USP39: variants seen among roughly 807,000 people sequenced by gnomAD.
The protein encoded by USP39 is ubiquitin specific peptidase 39, also known as ubiquitin carboxyl-terminal hydrolase 39.
A neutral mutation model predicts 66.4 loss-of-function variants in USP39; 38 were observed. The observed-to-expected ratio is 0.57, with a 90% CI of 0.44 to 0.75. The LOEUF (loss-of-function observed/expected upper bound fraction) is 0.75. Ranked by LOEUF, USP39 falls within the 30% of genes least tolerant of loss-of-function variation. USP39 has a pLI of 0.00. For synonymous variants in USP39, 303 were observed against 274.6 expected, an observed-to-expected ratio of 1.10 and a Z score of -1.02; for missense variants, 608 against 714.4, an observed-to-expected ratio of 0.85 and a Z score of 1.70.
chr2:85,630,824 G>A lies in USP39; in HGVS notation c.827G>A (p.Arg276His). 1 of 1,614,164 alleles carries A rather than the reference G, an allele frequency of 6.2e-7. No individual in the cohort carries two copies. Among genetic ancestry groups the A allele is most frequent in the Non-Finnish European group, 8.5e-7 (1 of 1,180,046 alleles). The change falls in exon 6 of 13, where the codon CGT becomes CAT. Residue 276 changes from arginine to histidine, a missense_variant. By Grantham distance (29) the Arg-to-His change is conservative. Transcript: ENST00000323701. ...PGDIMFLLVQ[R>H]FGELMRKLWN... ...GATATCATGTTCTTGTTGGTCCAGC[G>A]TTTTGGAGAGCTGATGAGAAAGCTC...
chr2:85,603,867 A>G (rs968378627), intron 1 of USP39, among the ~76,000 whole-genome samples: 9 of 152,180 alleles, frequency 5.9e-5, no homozygotes, highest in South Asian at 2.1e-4. Flanking sequence ...TGCTGGGATT[A>G]CAGGCGTGGG....
chr2:85,609,554 CAT>C (rs1426604069), upstream of USP39: 1 of 1,614,218 alleles, frequency 6.2e-7, no homozygotes, highest in Non-Finnish European at 8.5e-7. Context: ...CCGGACTCTT[CAT>C]AGTCTGGGTT....
chr2:85,641,771 G>T (rs2104346033), intron 10 of USP39, among the ~76,000 whole-genome samples: 1 of 152,068 alleles, frequency 6.6e-6, no homozygotes, highest in Admixed American at 6.6e-5. Flanking sequence ...AGATGTGGTG[G>T]TGCACACCTG....
chr2:85,614,040 A>T (rs565956982), upstream of USP39, among the ~76,000 whole-genome samples: 284 of 151,886 alleles, frequency 1.9e-3, no homozygotes, highest in Non-Finnish European at 3.3e-3. Flanking sequence ...AAGTGCTGGG[A>T]TTATAAGTGT....
intron 9 of USP39, 115 bp downstream of exon 9, chr2:85,639,506 G>A: frequency 9.0e-7 from 1 of 1,110,916 alleles, no homozygotes; most frequent in Non-Finnish European, 1.2e-6. Context: ...CCAGGCTGGA[G>A]TGCAGTGGCG....
chr2:85,613,206 T>TAGCCTCTACAAG (rs1306447894), upstream of USP39, among the ~76,000 whole-genome samples: 1 of 150,228 alleles, frequency 6.7e-6, no homozygotes, highest in East Asian at 2.0e-4. Context: ...AAGAAAAAAA[T>TAGCCTCTACAAG]ACATTAAAAA....
chr2:85,609,680 G>A (rs951794429), upstream of USP39: 5 of 1,480,066 alleles, frequency 3.4e-6, no homozygotes, highest in Non-Finnish European at 4.6e-6. Flanking sequence ...GGTTAGGAAA[G>A]CCCCAGTCTT....
intron 2 of USP39, among the ~76,000 whole-genome samples, chr2:85,619,688 A>G (rs778785515): frequency 1.3e-5 from 2 of 151,860 alleles, no homozygotes; most frequent in African/African-American, 2.4e-5. Flanking sequence ...GGTGGCATGT[A>G]GAATGTTTTT....
upstream of USP39, chr2:85,611,398 A>G (rs1016280734): frequency 9.4e-6 from 14 of 1,482,124 alleles, no homozygotes; most frequent in Non-Finnish European, 1.3e-5. Context: ...GCACCTTACT[A>G]AAATACAGCA....
intron 1 of USP39, among the ~76,000 whole-genome samples, chr2:85,617,577 T>G (rs976136137): frequency 6.6e-6 from 1 of 152,190 alleles, no homozygotes; most frequent in African/African-American, 2.4e-5. Context: ...GGCTCACACC[T>G]GTAATCGCAG....
At chr2:85,618,233 GGCATGAGC>G (rs2104219406) in intron 1 of USP39, among the ~76,000 whole-genome samples, 1 of 151,278 alleles carries the variant, frequency 6.6e-6, no homozygotes, top group Non-Finnish European at 1.5e-5. Context: ...TGGGATTACA[GGCATGAGC>G]CACTCACCCA....
chr2:85,609,066 C>T (rs760596326), upstream of USP39: 3 of 1,614,136 alleles, frequency 1.9e-6, no homozygotes, highest in Non-Finnish European at 2.5e-6. Flanking sequence ...TGGGTCATCA[C>T]CCTACGTGGA....
intron 10 of USP39, among the ~76,000 whole-genome samples, 175 bp from the exon 11 acceptor site, chr2:85,644,773 T>C (rs1184356249): frequency 6.6e-6 from 1 of 152,142 alleles, no homozygotes; most frequent in Non-Finnish European, 1.5e-5. Flanking sequence ...CTGTCATTCA[T>C]TTTGGCATAT....
At chr2:85,614,555 T>C (rs959302284), upstream of USP39, among the ~76,000 whole-genome samples, 1 of 152,108 alleles carries the variant, frequency 6.6e-6, no homozygotes, top group Non-Finnish European at 1.5e-5. Flanking sequence ...AGCTACTCCA[T>C]TGACAGAATA....
At chr2:85,622,822 T>C (rs1674563437) in intron 3 of USP39, among the ~76,000 whole-genome samples, 1 of 152,006 alleles carries the variant, frequency 6.6e-6, no homozygotes, top group Admixed American at 6.6e-5. Flanking sequence ...GGAGGAGGAT[T>C]GTTTAAAGTC....
chr2:85,628,763 A>T (rs1398909803), intron 5 of USP39, among the ~76,000 whole-genome samples: 2 of 152,068 alleles, frequency 1.3e-5, no homozygotes, highest in East Asian at 3.9e-4. Flanking sequence ...TTGAGAGTAA[A>T]TCTCTCTTTT....
At chr2:85,638,711 A>G (rs1213497137) in intron 8 of USP39, among the ~76,000 whole-genome samples, 1 of 151,470 alleles carries the variant, frequency 6.6e-6, no homozygotes, top group East Asian at 1.9e-4. Flanking sequence ...CTTATTTTGT[A>G]TTTTTAGTAG....
chr2:85,643,074 T>TAA (rs556017123), intron 10 of USP39, among the ~76,000 whole-genome samples: 5 of 133,452 alleles, frequency 3.7e-5, no homozygotes, highest in Admixed American at 7.6e-5. Flanking sequence ...TTGTCTCTAC[T>TAA]AAAAAAAAAA....
At chr2:85,644,061 T>C (rs1174138411) in intron 10 of USP39, among the ~76,000 whole-genome samples, 1 of 152,236 alleles carries the variant, frequency 6.6e-6, no homozygotes, top group East Asian at 1.9e-4. Flanking sequence ...AAGCTACATA[T>C]AATAATTACA....
Sources: gnomAD v4.1 joint callset for allele counts (sites outside exome capture counted in the v4.1 genomes callset) on GRCh38, gnomAD v4.1.1 for gene constraint, MANE v1.5 for transcripts, NCBI Gene and HGNC (gene_info 2026-07-23, HGNC 2026-07-21) for gene names.